The following KIF9 variants were observed in gnomAD, a reference collection of about 807,000 sequenced individuals.
KIF9 encodes kinesin-like protein KIF9.
A neutral mutation model predicts 94.8 loss-of-function variants in KIF9; 68 were observed. The observed-to-expected ratio is 0.72, with a 90% CI of 0.59 to 0.88. KIF9 has a LOEUF of 0.88. Ranked by LOEUF, KIF9 falls within the 40% of genes least tolerant of loss-of-function variation. The pLI, the probability that KIF9 is intolerant of heterozygous loss-of-function variation, is 0.00. For synonymous variants in KIF9, 343 were observed against 362.1 expected (o/e 0.95, Z 0.60); for missense variants, 882 against 982.5 (o/e 0.90, Z 1.37).
rs1238422096 is a variant in KIF9, at chr3:47,279,475, C to CAA, written c.-5-2098_-5-2097dup. Among the ~76,000 whole-genome samples, 834 of 93,274 alleles carry CAA rather than the reference C, an allele frequency of 8.9e-3. 6 individuals carry two copies. The highest frequency in any genetic ancestry group is 0.031 in the African/African-American group (792 of 25,832). 61.2% of individuals were successfully genotyped at this position (93,274 alleles called of 152,430 possible). A position where few individuals can be genotyped will look rare whatever the true frequency, so the allele number is the denominator to read the frequency against. On this transcript the variant is annotated intron_variant, in intron 1 of 20. Transcript: ENST00000684063. ...CTGGGTGACAGAGCAAGCTCAGTCT[C>CAA]AAAAAAAAAAAAAAATCAAAAAATC...
intron 13 of KIF9, 47 bp downstream of exon 13, chr3:47,246,150 A>T: frequency 6.4e-7 from 1 of 1,570,952 alleles, no homozygotes; most frequent in Non-Finnish European, 8.7e-7. Flanking sequence ...CAGGAGATGA[A>T]AATGGCAGCC....
At chr3:47,279,771 C>G (rs1453941286) in intron 1 of KIF9, among the ~76,000 whole-genome samples, 2 of 151,870 alleles carry the variant, frequency 1.3e-5, no homozygotes, top group Admixed American at 1.3e-4. Flanking sequence ...CGCCCGCCAC[C>G]AAGCCCCGCT....
At chr3:47,264,863 C>T (rs1021123523) in intron 8 of KIF9, among the ~76,000 whole-genome samples, 3 of 152,132 alleles carry the variant, frequency 2.0e-5, no homozygotes, top group Admixed American at 6.6e-5. Context: ...GAGGGTGGGG[C>T]CCCCATGATG....
At chr3:47,255,957 TC>T (rs1269413622) in intron 10 of KIF9, among the ~76,000 whole-genome samples, 1 of 152,234 alleles carries the variant, frequency 6.6e-6, no homozygotes, top group Non-Finnish European at 1.5e-5. Context: ...AGACGGGGTT[TC>T]GCTGTGTTGG....
intron 11 of KIF9, 31 bp from the exon 12 acceptor site, chr3:47,247,508 G>A: frequency 1.9e-6 from 3 of 1,539,566 alleles, no homozygotes; most frequent in Non-Finnish European, 2.7e-6. Context: ...ATGTGGATAA[G>A]CAACAAGAAC....
chr3:47,254,487 T>G (rs1373977978), intron 10 of KIF9, among the ~76,000 whole-genome samples: 1 of 152,098 alleles, frequency 6.6e-6, no homozygotes, highest in Non-Finnish European at 1.5e-5. Context: ...AGCATGTGCC[T>G]GTAATCCCAG....
chr3:47,262,281 T>TG (rs1701027493), intron 9 of KIF9, among the ~76,000 whole-genome samples: 1 of 151,514 alleles, frequency 6.6e-6, no homozygotes, highest in Admixed American at 6.6e-5. Flanking sequence ...TTTGTTTTTT[T>TG]TTTTTCTTTT....
chr3:47,232,913 C>T (rs575528637), intron 20 of KIF9, among the ~76,000 whole-genome samples: 14 of 142,136 alleles, frequency 9.8e-5, no homozygotes, highest in South Asian at 2.3e-4. Flanking sequence ...ACCCGGGAGG[C>T]GGAGTTGCAG....
rs754889739 is a variant in KIF9, at chr3:47,236,058, G to C, written c.2193C>G (p.Val731=). The C allele has an allele frequency of 6.2e-7, 1 of 1,614,008 alleles. No individual in the cohort carries two copies. The highest frequency in any genetic ancestry group is 1.7e-5 in the Admixed American group (1 of 60,020). The change falls in exon 19 of 21, where the codon GTC becomes GTG. Residue 731 remains valine, a synonymous_variant. Transcript: ENST00000684063. Reference sequence around the variant, plus strand: ...CCAGAGACACAATCCTGTTCACAGGGACCATGCCTGGCCGGATGCTGCCGC... The same window carrying C: ...CCAGAGACACAATCCTGTTCACAGGCACCATGCCTGGCCGGATGCTGCCGC... ...KPGGSIRPGM[V]PVNRIVSLGE... is the part of the protein sequence containing the mutation.
Position 47,228,429 on chromosome 3 carries a change from C to T in KIF9, c.*223G>A. The T allele has an allele frequency of 1.7e-6, 1 of 571,694 alleles. No individual in the cohort carries two copies. Among genetic ancestry groups the T allele is most frequent in the East Asian group, 2.8e-5 (1 of 35,418 alleles). The allele number at this position is 571,694 out of a possible 1,614,324, so 35.4% of individuals were successfully genotyped here. A position where few individuals can be genotyped will look rare whatever the true frequency, so the allele number is the denominator to read the frequency against. ...AAACTAGAAAGTTATTTTATCCTGT[C>T]CCTGCATATAAGACAGTGAATTAAA... is the stretch of plus-strand genomic sequence containing the variant. On this transcript the variant is annotated 3_prime_UTR_variant, in exon 21 of 21. Transcript: ENST00000684063.
At chr3:47,267,486 T>A (rs1317320277) in intron 5 of KIF9, among the ~76,000 whole-genome samples, 2 of 152,246 alleles carry the variant, frequency 1.3e-5, no homozygotes, top group Non-Finnish European at 2.9e-5. Context: ...TTGGTATAGC[T>A]TTCTGGAAAG....
At chr3:47,268,822 C>T (rs1701454909) in intron 5 of KIF9, among the ~76,000 whole-genome samples, 1 of 152,050 alleles carries the variant, frequency 6.6e-6, no homozygotes, top group African/African-American at 2.4e-5. Context: ...TGAGCTCAAG[C>T]AATCCTCCTG....
chr3:47,241,630 CAT>C (rs1175720482), intron 16 of KIF9, among the ~76,000 whole-genome samples: 2 of 148,352 alleles, frequency 1.3e-5, no homozygotes. Flanking sequence ...CCCTGGATTT[CAT>C]ATATGTGTGT....
chr3:47,257,174 T>C (rs1700673308), intron 10 of KIF9, among the ~76,000 whole-genome samples: 1 of 151,720 alleles, frequency 6.6e-6, no homozygotes, highest in South Asian at 2.1e-4. Context: ...AAAAAAATTA[T>C]TGACTGGCAA....
At chr3:47,233,308 G>A (rs1470332768) in intron 20 of KIF9, among the ~76,000 whole-genome samples, 2 of 140,852 alleles carry the variant, frequency 1.4e-5, no homozygotes, top group African/African-American at 5.4e-5. Flanking sequence ...GTTGCAGTGA[G>A]CCAAGACTGT....
intron 1 of KIF9, among the ~76,000 whole-genome samples, 178 bp from the exon 2 acceptor site, chr3:47,277,557 C>T (rs181779461): frequency 6.6e-6 from 1 of 152,182 alleles, no homozygotes; most frequent in Admixed American, 6.5e-5. Context: ...CCACAAGACA[C>T]TGCTCAACAA....
rs751417617 is a variant in KIF9, at chr3:47,275,364, C to T, written c.220G>A (p.Ala74Thr). 5.0e-6 allele frequency: 8 copies of T among 1,613,690 alleles called. No homozygotes were observed. The South Asian group carries it at 8.8e-5, about 18-fold the overall frequency. ...ASQDLVYETV[A>T]KDVVSQALDG... The stretch of plus-strand genomic sequence containing the variant: ...AGGGCCTGAGAAACCACATCCTTTG[C>T]AACTGTCTCATAAACCAAGTCCTGG... The change falls in exon 3 of 21, where the codon GCA becomes ACA. Residue 74 changes from alanine (A) to threonine (T), a missense_variant. Transcript: ENST00000684063.
intron 10 of KIF9, among the ~76,000 whole-genome samples, chr3:47,256,745 TG>T (rs1700641140): frequency 6.6e-6 from 1 of 152,176 alleles, no homozygotes; most frequent in South Asian, 2.1e-4. Flanking sequence ...ATGGTTGCCA[TG>T]TCTGTGTAGA....
At chr3:47,267,150 G>A (rs187014874) in intron 6 of KIF9, 30 bp downstream of exon 6, 14 of 1,601,510 alleles carry the variant, frequency 8.7e-6, no homozygotes, top group Admixed American at 1.7e-5. Flanking sequence ...TGACTGCCCC[G>A]CCTGGGCTGA....
Sources: allele counts gnomAD v4.1 joint callset (sites outside exome capture counted in the v4.1 genomes callset), GRCh38; gene constraint gnomAD v4.1.1; transcripts MANE v1.5; gene names NCBI Gene and HGNC (gene_info 2026-07-23, HGNC 2026-07-21).